The following PRELID2 variants were observed in gnomAD, a reference collection of about 807,000 sequenced individuals.
The protein encoded by PRELID2 is PRELI domain-containing protein 2.
PRELID2 carries 25 observed loss-of-function variants against 28.4 expected under a neutral mutation model. The observed-to-expected ratio is 0.88, with a 90% confidence interval of 0.64 to 1.23. The LOEUF (loss-of-function observed/expected upper bound fraction) is 1.23, where lower values mean the gene tolerates loss of function less well. Ranked by LOEUF, PRELID2 falls within the 50% of genes most tolerant of loss-of-function variation. PRELID2 has a pLI of 0.00. For missense variants in PRELID2, 201 were observed against 214.4 expected (o/e 0.94, Z 0.39); for synonymous variants, 76 against 71.6 (o/e 1.06, Z -0.31).
At chr5:145,799,897 T>C (rs1334957369) in intron 4 of PRELID2, among the ~76,000 whole-genome samples, 1 of 152,172 alleles carries the variant, frequency 6.6e-6, no homozygotes, top group Non-Finnish European at 1.5e-5. Context: ...TTTTAGGCAA[T>C]CTCCTATTCC....
intron 1 of PRELID2, among the ~76,000 whole-genome samples, chr5:145,557,643 C>T (rs1752891193): frequency 6.6e-6 from 1 of 152,294 alleles, no homozygotes; most frequent in African/African-American, 2.4e-5. Context: ...GGAGTCAGAT[C>T]TTAATCTATA....
chr5:145,745,998 A>C (rs1756981571), intron 1 of PRELID2, among the ~76,000 whole-genome samples: 1 of 152,204 alleles, frequency 6.6e-6, no homozygotes, highest in African/African-American at 2.4e-5. Flanking sequence ...CCTGCCTTGC[A>C]AGAGATCCTG....
At chr5:145,521,831 C>A (rs183364012) in intron 1 of PRELID2, among the ~76,000 whole-genome samples, 1 of 152,262 alleles carries the variant, frequency 6.6e-6, no homozygotes. Flanking sequence ...TCTCTGAAAC[C>A]TGGTTGGTGA....
chr5:145,305,640 T>C, the PRELID2 span, among the ~76,000 whole-genome samples: 112 of 152,192 alleles, frequency 7.4e-4, no homozygotes, highest in African/African-American at 2.3e-3. Context: ...CAGCTTTTCA[T>C]TGGTCAGGGC....
intron 1 of PRELID2, among the ~76,000 whole-genome samples, chr5:145,510,106 G>C (rs1375941346): frequency 6.6e-6 from 1 of 152,166 alleles, no homozygotes; most frequent in Non-Finnish European, 1.5e-5. Context: ...TTTGAGGACT[G>C]AATGAAATAA....
chr5:145,447,690 C>T, the PRELID2 span, among the ~76,000 whole-genome samples: 1 of 116,400 alleles, frequency 8.6e-6, no homozygotes, highest in African/African-American at 3.3e-5. Context: ...TCTCATTGTT[C>T]AATTCCCACC....
the PRELID2 span, among the ~76,000 whole-genome samples, chr5:145,465,013 G>T: frequency 1.3e-5 from 2 of 152,108 alleles, no homozygotes; most frequent in Non-Finnish European, 2.9e-5. Flanking sequence ...ATCAGAACGG[G>T]TTAGAATTGG....
chr5:145,506,309 C>A lies in PRELID2; in HGVS notation n.71-32994G>T, dbSNP rs142742872. ...AGAGATTTTGTTCCTTCTCTTAGTC[C>A]ACTAGGATACATAACAAACCACTCC... On this transcript the variant is annotated intron_variant and non_coding_transcript_variant, in intron 1 of 2. Transcript: ENST00000510259. Among the ~76,000 whole-genome samples, 117 of 152,110 alleles carry A rather than the reference C, an allele frequency of 7.7e-4. No homozygotes were observed. In the East Asian group the frequency reaches 0.011, roughly 15 times the overall value.
chr5:145,554,702 G>A (rs928424638), intron 1 of PRELID2, among the ~76,000 whole-genome samples: 28 of 152,194 alleles, frequency 1.8e-4, no homozygotes, highest in African/African-American at 6.5e-4. Context: ...AGAAAGCCTT[G>A]TTTTTGAAAA....
At chr5:145,327,028 T>C in the PRELID2 span, among the ~76,000 whole-genome samples, 9 of 152,066 alleles carry the variant, frequency 5.9e-5, no homozygotes, top group Non-Finnish European at 1.5e-5. Context: ...ATCTTAAATG[T>C]TGAAATTCTA....
the PRELID2 span, among the ~76,000 whole-genome samples, chr5:145,393,541 A>G: frequency 6.5e-4 from 99 of 152,336 alleles, 1 homozygote; most frequent in African/African-American, 2.3e-3. Flanking sequence ...CAGAAAAGGG[A>G]AAGCAAACTA....
intron 1 of PRELID2, among the ~76,000 whole-genome samples, chr5:145,548,246 C>T (rs1352349821): frequency 6.6e-6 from 1 of 152,180 alleles, no homozygotes; most frequent in Non-Finnish European, 1.5e-5. Flanking sequence ...CCCCACCTCC[C>T]CTTCTTTTGT....
chr5:145,400,286 C>T, the PRELID2 span, among the ~76,000 whole-genome samples: 2 of 152,092 alleles, frequency 1.3e-5, no homozygotes, highest in East Asian at 1.9e-4. Context: ...CCATCCAGAC[C>T]TCAGAGACGC....
intron 1 of PRELID2, among the ~76,000 whole-genome samples, chr5:145,485,679 A>C (rs546135617): frequency 3.3e-5 from 5 of 152,078 alleles, no homozygotes; most frequent in South Asian, 2.1e-4. Flanking sequence ...ACTCCCACCA[A>C]CGTCTGTCCC....
chr5:145,364,777 G>T, the PRELID2 span, among the ~76,000 whole-genome samples: 1 of 151,940 alleles, frequency 6.6e-6, no homozygotes, highest in Non-Finnish European at 1.5e-5. Flanking sequence ...TACACATATT[G>T]ATTGCTGGGT....
chr5:145,687,866 T>A (rs1429964446), intron 1 of PRELID2, among the ~76,000 whole-genome samples: 1 of 152,228 alleles, frequency 6.6e-6, no homozygotes, highest in Non-Finnish European at 1.5e-5. Context: ...TTAGTCCCAT[T>A]TTACAGATTA....
intron 1 of PRELID2, among the ~76,000 whole-genome samples, chr5:145,506,943 G>T (rs1185001205): frequency 6.6e-6 from 1 of 152,050 alleles, no homozygotes; most frequent in Non-Finnish European, 1.5e-5. Context: ...TTTATTGTAT[G>T]CATAAATTTC....
At chr5:145,791,847 G>C (rs550915613) in intron 5 of PRELID2, among the ~76,000 whole-genome samples, 8 of 152,120 alleles carry the variant, frequency 5.3e-5, no homozygotes, top group Non-Finnish European at 1.2e-4. Flanking sequence ...CAGAAAAGAG[G>C]ATACGTCATT....
intron 1 of PRELID2, among the ~76,000 whole-genome samples, chr5:145,729,584 C>T (rs1581107410): frequency 6.6e-6 from 1 of 152,270 alleles, no homozygotes; most frequent in East Asian, 1.9e-4. Flanking sequence ...TGTTTGCTTT[C>T]ACTTTGTCCC....
Sources: gnomAD v4.1 joint callset for allele counts (sites outside exome capture counted in the v4.1 genomes callset) on GRCh38, gnomAD v4.1.1 for gene constraint, MANE v1.5 for transcripts, NCBI Gene and HGNC (gene_info 2026-07-23, HGNC 2026-07-21) for gene names.